HDAC9: variants seen among roughly 807,000 people sequenced by gnomAD.
HDAC9 encodes the protein MEF-2 interacting transcription repressor (MITR) protein.
Under a neutral mutation model 139.4 loss-of-function variants are expected in HDAC9, and 41 were observed. That is an observed-to-expected ratio of 0.29 (90% CI 0.23 to 0.38). The LOEUF is 0.38. HDAC9 is among the 10% of genes least tolerant of loss of function. The pLI is 1.00. For missense variants in HDAC9, 1,147 were observed against 1,297.0 expected (o/e 0.88, Z 1.78); for synonymous variants, 517 against 476.2 (o/e 1.09, Z -1.12).
chr7:18,990,709 GC>G (rs1785831613), intron 25 of HDAC9, among the ~76,000 whole-genome samples: 2 of 152,372 alleles, frequency 1.3e-5, no homozygotes, highest in South Asian at 4.1e-4. Flanking sequence ...GATTCTGTGG[GC>G]GTAGGACCCT....
intron 25 of HDAC9, among the ~76,000 whole-genome samples, chr7:18,990,307 A>G (rs577543592): frequency 8.0e-4 from 122 of 152,180 alleles, no homozygotes; most frequent in African/African-American, 1.9e-3. Flanking sequence ...GTACCTGGCC[A>G]TGTGAGGTGT....
At chr7:18,953,029 C>A (rs1012999895) in intron 23 of HDAC9, among the ~76,000 whole-genome samples, 1 of 151,884 alleles carries the variant, frequency 6.6e-6, no homozygotes, top group East Asian at 1.9e-4. Flanking sequence ...ATAGAATAAT[C>A]AATTCAGAGG....
At chr7:18,446,610 A>G (rs1162463090) in intron 1 of HDAC9, among the ~76,000 whole-genome samples, 2 of 152,198 alleles carry the variant, frequency 1.3e-5, no homozygotes, top group Non-Finnish European at 2.9e-5. Flanking sequence ...TTCTGCCTCT[A>G]TGTCCACATC....
intron 8 of HDAC9, among the ~76,000 whole-genome samples, chr7:18,640,652 C>G (rs766623830): frequency 4.6e-5 from 7 of 151,832 alleles, no homozygotes; most frequent in Non-Finnish European, 8.8e-5. Context: ...ATATTTTTTA[C>G]TTTGCATCCA....
chr7:18,099,679 G>A lies in HDAC9; in HGVS notation c.-97+12466G>A, dbSNP rs78629904. Among the ~76,000 whole-genome samples the A allele has an allele frequency of 4.3e-3, 662 of 152,208 alleles. 4 individuals are homozygous for A. The highest frequency in any genetic ancestry group is 0.015 in the African/African-American group (628 of 41,544). On this transcript the variant is annotated intron_variant, in intron 1 of 12. Transcript: ENST00000417496. ...GGGAAAGTGTAGGCCAAATGGAATA[G>A]TATTTCAGAATAACGGCTACAGTTT...
chr7:18,473,616 G>T (rs1166040494), intron 1 of HDAC9, among the ~76,000 whole-genome samples: 2 of 152,198 alleles, frequency 1.3e-5, no homozygotes, highest in African/African-American at 4.8e-5. Flanking sequence ...AATTCTTAAG[G>T]TAAAGATAAA....
chr7:18,156,552 C>A (rs1336246958), intron 1 of HDAC9, among the ~76,000 whole-genome samples: 1 of 152,214 alleles, frequency 6.6e-6, no homozygotes, highest in East Asian at 1.9e-4. Flanking sequence ...TTACTGCCTG[C>A]TCACTTATTC....
chr7:18,161,004 G>A (rs1356910924), intron 1 of HDAC9, among the ~76,000 whole-genome samples: 1 of 152,142 alleles, frequency 6.6e-6, no homozygotes, highest in Non-Finnish European at 1.5e-5. Flanking sequence ...TTTCTGTAGA[G>A]ATGTTGCTTT....
intron 21 of HDAC9, among the ~76,000 whole-genome samples, chr7:18,853,126 A>G (rs1585156752): frequency 6.6e-6 from 1 of 152,136 alleles, no homozygotes; most frequent in African/African-American, 2.4e-5. Context: ...GAAGGGGTAG[A>G]GTTGCTTTAA....
intron 2 of HDAC9, among the ~76,000 whole-genome samples, chr7:18,167,440 T>A (rs1426336497): frequency 6.6e-6 from 1 of 152,228 alleles, no homozygotes; most frequent in East Asian, 1.9e-4. Flanking sequence ...CAATTAATTT[T>A]GGTGGGTAAT....
chr7:18,918,155 G>A (rs989381667), intron 22 of HDAC9, among the ~76,000 whole-genome samples: 9 of 152,112 alleles, frequency 5.9e-5, no homozygotes, highest in South Asian at 4.1e-4. Context: ...TAGAAAAGGC[G>A]AACAGGAAGA....
intron 22 of HDAC9, among the ~76,000 whole-genome samples, chr7:18,894,098 A>AAT (rs1325518542): frequency 6.6e-6 from 1 of 152,134 alleles, no homozygotes; most frequent in African/African-American, 2.4e-5. Context: ...AGAAGGTGGG[A>AAT]ATGGAGTAAA....
chr7:18,409,094 T>A (rs1299286982), intron 1 of HDAC9, among the ~76,000 whole-genome samples: 4 of 152,172 alleles, frequency 2.6e-5, no homozygotes, highest in Non-Finnish European at 2.9e-5. Flanking sequence ...TGGAATGTAG[T>A]TGCCTTGCAA....
At chr7:18,415,320 T>A (rs1270588364) in intron 1 of HDAC9, among the ~76,000 whole-genome samples, 1 of 152,248 alleles carries the variant, frequency 6.6e-6, no homozygotes, top group Non-Finnish European at 1.5e-5. Flanking sequence ...GCGCTAGTTT[T>A]AAAAATACTG....
intron 1 of HDAC9, among the ~76,000 whole-genome samples, chr7:18,366,116 A>G (rs1451058103): frequency 6.6e-6 from 1 of 152,076 alleles, no homozygotes; most frequent in Non-Finnish European, 1.5e-5. Flanking sequence ...CTATAATTTA[A>G]TGCTTATTCC....
chr7:18,599,379 G>A (rs193075765), intron 6 of HDAC9, among the ~76,000 whole-genome samples: 1 of 152,178 alleles, frequency 6.6e-6, no homozygotes, highest in Admixed American at 6.5e-5. Flanking sequence ...TAACAAATGT[G>A]TCATATCATG....
intron 1 of HDAC9, among the ~76,000 whole-genome samples, chr7:18,104,650 G>T (rs1343636038): frequency 2.6e-5 from 4 of 151,960 alleles, no homozygotes; most frequent in African/African-American, 9.7e-5. Context: ...GATCATCCCA[G>T]AGCTTCTGGG....
In HDAC9 at chr7:18,609,430, C is replaced by CA. The variant is rs537672873; in HGVS notation, c.664+15403dup. Among the ~76,000 whole-genome samples, 135 of 152,176 alleles carry CA rather than the reference C, an allele frequency of 8.9e-4. 1 individual carries two copies. The highest frequency in any genetic ancestry group is 3.1e-3 in the African/African-American group (130 of 41,518). On this transcript the variant is annotated intron_variant, in intron 6 of 25. Transcript: ENST00000686413. ...CATGTAGGACAGCACAAGTATACAC[C>CA]AAGGCAGGCACATGTGTGGCATAAG...
intron 22 of HDAC9, chr7:18,906,815 A>G (rs1005937863): frequency 6.6e-6 from 1 of 152,232 alleles, no homozygotes; most frequent in African/African-American, 2.4e-5. Flanking sequence ...TACACACACA[A>G]TCAATTTCGA....
Sources: allele counts gnomAD v4.1 joint callset (sites outside exome capture counted in the v4.1 genomes callset), GRCh38; gene constraint gnomAD v4.1.1; transcripts MANE v1.5; gene names NCBI Gene and HGNC (gene_info 2026-07-23, HGNC 2026-07-21).